CFAP43: variants seen among roughly 807,000 people sequenced by gnomAD.
CFAP43 encodes the protein cilia and flagella associated protein 43, also known as cilia- and flagella-associated protein 43.
In CFAP43, 155 loss-of-function variants were observed where a neutral mutation model predicts 218.9. That is an observed-to-expected ratio of 0.71 (90% CI 0.62 to 0.81). The LOEUF is 0.81. Among genes scored for constraint, CFAP43 ranks in the 30% least tolerant of loss-of-function variants. The pLI, the probability that CFAP43 is intolerant of heterozygous loss-of-function variation, is 0.00. For missense variants in CFAP43, 1,778 were observed against 1,954.3 expected (o/e 0.91, Z 1.70); for synonymous variants, 645 against 681.3 (o/e 0.95, Z 0.83).
intron 20 of CFAP43, among the ~76,000 whole-genome samples, chr10:104,169,998 A>AG (rs912876113): frequency 5.3e-5 from 8 of 152,178 alleles, no homozygotes; most frequent in African/African-American, 1.9e-4. Flanking sequence ...TGGCCGGGGT[A>AG]GGGTAGTAGC....
At chr10:104,173,156 T>C (rs1410776366) in intron 19 of CFAP43, among the ~76,000 whole-genome samples, 1 of 152,066 alleles carries the variant, frequency 6.6e-6, no homozygotes, top group Non-Finnish European at 1.5e-5. Context: ...AGACAAATGA[T>C]AGAAAAAAAT....
chr10:104,161,849 G>T (rs753390384), intron 26 of CFAP43, 112 bp downstream of exon 26: 1 of 915,738 alleles, frequency 1.1e-6, no homozygotes, highest in East Asian at 2.5e-5. Flanking sequence ...TTGTATAATA[G>T]TTGTTGCTGT....
chr10:104,174,069 T>C (rs770928441), intron 19 of CFAP43, among the ~76,000 whole-genome samples: 2 of 152,194 alleles, frequency 1.3e-5, no homozygotes, highest in African/African-American at 4.8e-5. Flanking sequence ...TTTCAAAAGA[T>C]ATGATAGTCT....
At chr10:104,157,775 T>TGTGTGAGAGA (rs1484523345) in intron 27 of CFAP43, among the ~76,000 whole-genome samples, 7 of 90,158 alleles carry the variant, frequency 7.8e-5, no homozygotes, top group South Asian at 4.3e-4. Flanking sequence ...TGTGTGTGTG[T>TGTGTGAGAGA]GAGAGAGAGA....
chr10:104,225,384 T>C lies in CFAP43; in HGVS notation c.416+77A>G, dbSNP rs560537930. On this transcript the variant is annotated intron_variant, in intron 3 of 37. Coordinates refer to ENST00000357060, the MANE Select transcript of CFAP43 (RefSeq NM_025145.7). Reference sequence around the variant, plus strand: ...CTTGTTTCAGATTTTTCATGTCTATTTCCTTCGATAAAATCCAGAAGAGTA... The same window carrying C: ...CTTGTTTCAGATTTTTCATGTCTATCTCCTTCGATAAAATCCAGAAGAGTA... 20 of 1,156,090 alleles carry C rather than the reference T, an allele frequency of 1.7e-5. No homozygotes were observed. The African/African-American group carries it at 2.5e-4, about 15-fold the overall frequency. 71.6% of individuals were successfully genotyped at this position (1,156,090 alleles called of 1,614,324 possible).
intron 5 of CFAP43, among the ~76,000 whole-genome samples, chr10:104,209,655 C>T (rs564729572): frequency 6.6e-6 from 1 of 152,314 alleles, no homozygotes; most frequent in Non-Finnish European, 1.5e-5. Flanking sequence ...AGGGCTCCTA[C>T]ACATATTTTC....
rs1298654485 is a variant in CFAP43, at chr10:104,147,927, G to C, written c.3732C>G (p.Phe1244Leu). Reference protein sequence around the residue: ...LDEELSSREKFLNNYLTRKQH... With the variant: ...LDEELSSREKLLNNYLTRKQH... ...GTTTCCTTGTAAGGTAGTTGTTCAGGAATTTTTCTCTAGAGCTTAATTCTT... is the reference window on the plus strand; with the variant it reads ...GTTTCCTTGTAAGGTAGTTGTTCAGCAATTTTTCTCTAGAGCTTAATTCTT... Residue 1244 changes from phenylalanine (F) to leucine (L), a missense_variant, in exon 29 of 38, where the codon TTC becomes TTG. By Grantham distance (22) the Phe-to-Leu change is conservative. This residue lies in a region of CFAP43 where 1,553 missense variants were observed against 1,685.2 expected (regional missense o/e 0.92). Coordinates refer to ENST00000357060, the MANE Select transcript of CFAP43 (RefSeq NM_025145.7). The C allele has an allele frequency of 1.9e-6, 3 of 1,600,924 alleles. No individual in the cohort carries two copies.
At chr10:104,148,470 G>GCATGT (rs1564722832) in intron 28 of CFAP43, among the ~76,000 whole-genome samples, 2 of 152,138 alleles carry the variant, frequency 1.3e-5, no homozygotes, top group African/African-American at 4.8e-5. Flanking sequence ...ATGTTGAAAC[G>GCATGT]TGATCCCTGG....
intron 27 of CFAP43, among the ~76,000 whole-genome samples, chr10:104,157,773 T>A (rs77411547): frequency 0.024 from 2,298 of 96,966 alleles, 22 homozygotes; most frequent in East Asian, 0.041. Flanking sequence ...TGTGTGTGTG[T>A]GTGAGAGAGA....
chr10:104,207,792 C>G lies in CFAP43; in HGVS notation c.768G>C (p.Pro256=). ...TTGTTGGAGTCCAGCAATGCATAGT[C>G]GGGTGAAGCAAAGGATATAGATCAT... ...PKDDLYPLLH[P]TMHCWTPTSD... The change falls in exon 6 of 38, where the codon CCG becomes CCC. Residue 256 remains proline, a synonymous_variant. Transcript: ENST00000357060. 6.2e-7 allele frequency: 1 copy of G among 1,613,756 alleles called. No individual in the cohort carries two copies. The highest frequency in any genetic ancestry group is 1.1e-5 in the South Asian group (1 of 90,996).
chr10:104,151,418 C>T (rs2088251489), intron 28 of CFAP43, among the ~76,000 whole-genome samples: 1 of 152,112 alleles, frequency 6.6e-6, no homozygotes, highest in South Asian at 2.1e-4. Context: ...AATTTTTTTA[C>T]TCTTTAGTAG....
chr10:104,157,808 G>GAGAGAGAGAGAGAGAA (rs2088653428), intron 27 of CFAP43, among the ~76,000 whole-genome samples: 1 of 139,576 alleles, frequency 7.2e-6, no homozygotes, highest in South Asian at 2.4e-4. Flanking sequence ...GAGAGAGAGA[G>GAGAGAGAGAGAGAGAA]AATGACTCCT....
intron 27 of CFAP43, among the ~76,000 whole-genome samples, chr10:104,153,761 T>TTTCTCTCTCTCTCTCTCTCTC (rs2088393319): frequency 2.7e-5 from 4 of 146,994 alleles, no homozygotes; most frequent in Non-Finnish European, 6.1e-5. Context: ...CTTTATCACT[T>TTTCTCTCTCTCTCTCTCTCTC]TTCTCTCTCT....
intron 16 of CFAP43, 63 bp downstream of exon 16, chr10:104,184,953 T>C: frequency 1.9e-6 from 3 of 1,568,814 alleles, no homozygotes; most frequent in Non-Finnish European, 2.6e-6. Context: ...ACTTAAATAA[T>C]AATAAAATCT....
intron 20 of CFAP43, among the ~76,000 whole-genome samples, chr10:104,172,144 A>G (rs1296833708): frequency 6.6e-6 from 1 of 152,220 alleles, no homozygotes; most frequent in Non-Finnish European, 1.5e-5. Flanking sequence ...ACTTCCAACA[A>G]TGTTCAAACG....
chr10:104,131,880 C>T (rs1028926059), intron 36 of CFAP43, among the ~76,000 whole-genome samples: 1 of 152,164 alleles, frequency 6.6e-6, no homozygotes, highest in East Asian at 1.9e-4. Flanking sequence ...AGAAAATCCA[C>T]TTACACTCAG....
At chr10:104,159,471 T>C (rs1156862691) in intron 27 of CFAP43, among the ~76,000 whole-genome samples, 3 of 152,082 alleles carry the variant, frequency 2.0e-5, no homozygotes, top group Non-Finnish European at 4.4e-5. Context: ...AAATTGATGA[T>C]GCAGGAAAGA....
rs1050968645 is a variant in CFAP43 at position 104,172,275 on chromosome 10, C to T, written c.2586+135G>A. On this transcript the variant is annotated intron_variant, in intron 20 of 37. Transcript: ENST00000357060. ...CTCTGATTCATTATACTTATATGCA[C>T]TATGTTTGCTTTATTCACATTATAC... The T allele has an allele frequency of 2.7e-6, 3 of 1,105,110 alleles. No individual in the cohort carries two copies. The African/African-American group carries it at 4.9e-5, about 18-fold the overall frequency. The allele number at this position is 1,105,110 out of a possible 1,614,324, so 68.5% of individuals were successfully genotyped here. A position where few individuals can be genotyped will look rare whatever the true frequency, so the allele number is the denominator to read the frequency against.
Position 104,160,972 on chromosome 10 carries a change from T to A in CFAP43, c.3540+65A>T, listed in dbSNP as rs1259731305. The A allele has an allele frequency of 3.4e-6, 5 of 1,461,748 alleles. No individual in the cohort carries two copies. In the African/African-American group the frequency reaches 5.6e-5, roughly 16 times the overall value. 90.5% of individuals were successfully genotyped at this position (1,461,748 alleles called of 1,614,324 possible). ...AAAGATATCGACAAAGTAGAAAACA[T>A]TTGAAAAGATATTTAAACAGCACTC... On this transcript the variant is annotated intron_variant, in intron 27 of 37. Transcript: ENST00000357060.
Sources: allele counts gnomAD v4.1 joint callset (sites outside exome capture counted in the v4.1 genomes callset), GRCh38; gene constraint gnomAD v4.1.1; regional missense constraint gnomAD v4.1.1; transcripts MANE v1.5; gene names NCBI Gene and HGNC (gene_info 2026-07-23, HGNC 2026-07-21).